Variants in RCL1 observed in about 807,000 individuals in gnomAD.
RCL1 encodes the protein RNA 3'-terminal phosphate cyclase-like protein.
RCL1 carries 24 observed loss-of-function variants against 42.4 expected under a neutral mutation model. The ratio of observed to expected loss-of-function variants is 0.57; its 90% CI spans 0.41 to 0.80. The LOEUF (loss-of-function observed/expected upper bound fraction) is 0.80, where lower values mean the gene tolerates loss of function less well. Among genes scored for constraint, RCL1 ranks in the 30% least tolerant of loss-of-function variants. The pLI is 0.00. For synonymous variants in RCL1, 228 were observed against 177.3 expected (o/e 1.29, Z -2.27); for missense variants, 578 against 467.9 (o/e 1.24, Z -2.17).
At chr9:4,842,385 C>G (rs1296272002) in intron 6 of RCL1, among the ~76,000 whole-genome samples, 1 of 152,074 alleles carries the variant, frequency 6.6e-6, no homozygotes, top group Non-Finnish European at 1.5e-5. Context: ...CAACCTTTGA[C>G]CTTTATAAGG....
At chr9:4,821,900 C>A (rs564829386) in intron 1 of RCL1, among the ~76,000 whole-genome samples, 4 of 152,258 alleles carry the variant, frequency 2.6e-5, no homozygotes, top group African/African-American at 9.6e-5. Flanking sequence ...TTTAGTGGTC[C>A]CATCTCTTAA....
At chr9:4,833,285 C>G in intron 4 of RCL1, 57 bp downstream of exon 4, 2 of 1,306,058 alleles carry the variant, frequency 1.5e-6, no homozygotes, top group Admixed American at 1.7e-5. Context: ...TTCCCACTGA[C>G]TCATTGGAAG....
rs762481868 is a variant in RCL1, at chr9:4,833,181, C to G, written c.412C>G (p.Pro138Ala). ...SVDVLKATAL[P>A]LLKQFGIDGE... ...TGATGTTCTTAAGGCAACAGCACTCCCTTTGTTGAAACAATTTGGGATTGA... is the reference window on the plus strand; with the variant it reads ...TGATGTTCTTAAGGCAACAGCACTCGCTTTGTTGAAACAATTTGGGATTGA... Residue 138 changes from proline to alanine, a missense_variant, in exon 4 of 9, where the codon CCT becomes GCT. By Grantham distance (27) the Pro-to-Ala change is conservative (BLOSUM62 -1). Transcript: ENST00000381750. 35 of 1,613,018 alleles carry G rather than the reference C, an allele frequency of 2.2e-5. No individual in the cohort carries two copies. The Admixed American group carries it at 5.8e-4, about 27-fold the overall frequency.
chr9:4,833,662 T>A (rs1251661038), intron 4 of RCL1, among the ~76,000 whole-genome samples: 1 of 152,234 alleles, frequency 6.6e-6, no homozygotes, highest in South Asian at 2.1e-4. Context: ...AGAAGTAGTT[T>A]AAGCATCTGT....
intron 4 of RCL1, 94 bp downstream of exon 4, chr9:4,833,322 C>G: frequency 2.1e-6 from 2 of 934,666 alleles, no homozygotes; most frequent in Non-Finnish European, 3.5e-6. Flanking sequence ...GTATGTGTGT[C>G]ACATTTGAAG....
At chr9:4,816,041 T>A (rs1056084739) in intron 1 of RCL1, among the ~76,000 whole-genome samples, 6 of 152,184 alleles carry the variant, frequency 3.9e-5, no homozygotes, top group Admixed American at 2.0e-4. Flanking sequence ...CTCAGTTATT[T>A]GTGTTAAAGT....
Position 4,860,142 on chromosome 9 carries a change from A to T in RCL1, c.989A>T (p.His330Leu), listed in dbSNP as rs749261969. 1 of 1,590,410 alleles carries T rather than the reference A, an allele frequency of 6.3e-7. No homozygotes were observed. The highest frequency in any genetic ancestry group is 1.2e-5 in the South Asian group (1 of 84,446). Residue 330 changes from histidine to leucine, a missense_variant, in exon 9 of 9, where the codon CAT becomes CTT. Physicochemically the swap from His to Leu is moderately conservative, Grantham distance 99. Transcript: ENST00000381750. ...CTTTTTAGGATAGAATTTTTGCGGC[A>T]TTTGAAGAGCTTTTTCCAGATTATG... ...LSPYTIEFLR[H>L]LKSFFQIMFK... is the part of the protein sequence containing the mutation.
intron 8 of RCL1, among the ~76,000 whole-genome samples, chr9:4,852,129 C>T (rs1439781945): frequency 6.6e-6 from 1 of 152,210 alleles, no homozygotes; most frequent in East Asian, 1.9e-4. Flanking sequence ...GGTCCACCCG[C>T]CTTGGCCTCC....
At chr9:4,844,069 T>C in intron 6 of RCL1, among the ~76,000 whole-genome samples, 1 of 152,212 alleles carries the variant, frequency 6.6e-6, no homozygotes, top group Non-Finnish European at 1.5e-5. Flanking sequence ...TTCTATATAG[T>C]GAGCTCATAT....
chr9:4,793,289 C>G (rs1191063422), intron 1 of RCL1, 62 bp downstream of exon 1: 2 of 1,508,500 alleles, frequency 1.3e-6, no homozygotes, highest in Non-Finnish European at 1.8e-6. Context: ...CGAGCTGATG[C>G]CGTGGGGGCC....
At chr9:4,821,035 A>G (rs1252279578) in intron 1 of RCL1, among the ~76,000 whole-genome samples, 2 of 152,154 alleles carry the variant, frequency 1.3e-5, no homozygotes, top group Non-Finnish European at 2.9e-5. Flanking sequence ...ATCAGTGCCT[A>G]TAGTTGAAGG....
intron 7 of RCL1, among the ~76,000 whole-genome samples, chr9:4,846,074 A>G (rs1817501669): frequency 6.6e-6 from 1 of 152,218 alleles, no homozygotes; most frequent in Admixed American, 6.5e-5. Context: ...CTGACTAGCC[A>G]TAGGTATTGA....
At chr9:4,818,505 T>C (rs1816474609) in intron 1 of RCL1, among the ~76,000 whole-genome samples, 1 of 152,226 alleles carries the variant, frequency 6.6e-6, no homozygotes, top group African/African-American at 2.4e-5. Context: ...AATGTCTACC[T>C]CTTTGGATTT....
intron 1 of RCL1, among the ~76,000 whole-genome samples, chr9:4,810,693 T>A (rs917000690): frequency 6.6e-6 from 1 of 152,174 alleles, no homozygotes; most frequent in Non-Finnish European, 1.5e-5. Context: ...GATCGTAGGG[T>A]GTGCCTATGT....
At chr9:4,829,405 A>G (rs1047562056) in intron 3 of RCL1, among the ~76,000 whole-genome samples, 3 of 151,702 alleles carry the variant, frequency 2.0e-5, no homozygotes, top group Admixed American at 6.6e-5. Flanking sequence ...ATAAAGGATC[A>G]TGATCGTAAA....
At chr9:4,846,541 C>T (rs1382565269) in intron 7 of RCL1, among the ~76,000 whole-genome samples, 2 of 150,918 alleles carry the variant, frequency 1.3e-5, no homozygotes, top group Admixed American at 6.6e-5. Flanking sequence ...TTACTTAATT[C>T]ACGAAGTTTG....
At chr9:4,816,904 C>T (rs1409910570) in intron 1 of RCL1, among the ~76,000 whole-genome samples, 1 of 152,270 alleles carries the variant, frequency 6.6e-6, no homozygotes, top group East Asian at 1.9e-4. Context: ...GCAAGCTCTG[C>T]CTCCCAGGTT....
At chr9:4,853,027 C>T (rs1233165017) in intron 8 of RCL1, among the ~76,000 whole-genome samples, 4 of 152,058 alleles carry the variant, frequency 2.6e-5, no homozygotes, top group African/African-American at 7.2e-5. Flanking sequence ...CATTACTGAG[C>T]AAACTACACA....
intron 7 of RCL1, 23 bp downstream of exon 7, chr9:4,844,704 TA>T: frequency 3.1e-6 from 5 of 1,597,938 alleles, no homozygotes; most frequent in Non-Finnish European, 4.3e-6. Flanking sequence ...CTTCCTCTGA[TA>T]GAGGAGTGAC....
Sources: allele counts gnomAD v4.1 joint callset (sites outside exome capture counted in the v4.1 genomes callset), GRCh38; gene constraint gnomAD v4.1.1; transcripts MANE v1.5; gene names NCBI Gene and HGNC (gene_info 2026-07-23, HGNC 2026-07-21).